The following SLC9B1 variants were observed in gnomAD, a reference collection of about 807,000 sequenced individuals.
The protein encoded by SLC9B1 is sodium/hydrogen exchanger 9B1.
SLC9B1 carries 32 observed loss-of-function variants against 51.7 expected under a neutral mutation model. The ratio of observed to expected loss-of-function variants is 0.62; its 90% CI spans 0.47 to 0.83. The LOEUF (loss-of-function observed/expected upper bound fraction) is 0.83, where lower values mean the gene tolerates loss of function less well. Among genes scored for constraint, SLC9B1 ranks in the 40% least tolerant of loss-of-function variants. The pLI is 0.00. For missense variants in SLC9B1, 406 were observed against 613.2 expected (o/e 0.66, Z 3.57); for synonymous variants, 145 against 212.7 (o/e 0.68, Z 2.77).
rs61227731 is a variant in SLC9B1, at chr4:103,016,134, C to CAAAAAAAAAAAAAAAAAAAAAA, written c.-2+3464_-2+3465insTTTTTTTTTTTTTTTTTTTTTT. ...GGACAACAAGAGCCAAACTCTGTCT[C>CAAAAAAAAAAAAAAAAAAAAAA]AAAAAAAAAAAAAAAAAAAGGAAAG... On this transcript the variant is annotated intron_variant, in intron 1 of 11. Transcript: ENST00000296422. 1.2e-4 allele frequency among the ~76,000 whole-genome samples: 6 copies of CAAAAAAAAAAAAAAAAAAAAAA among 49,640 alleles called. 1 individual carries two copies. Among genetic ancestry groups the CAAAAAAAAAAAAAAAAAAAAAA allele is most frequent in the Admixed American group, 5.8e-4 (2 of 3,436 alleles). 32.6% of individuals were successfully genotyped at this position (49,640 alleles called of 152,430 possible). A position where few individuals can be genotyped will look rare whatever the true frequency, so the allele number is the denominator to read the frequency against.
At chr4:102,965,565 T>C (rs1388802490) in intron 3 of SLC9B1, among the ~76,000 whole-genome samples, 1 of 152,110 alleles carries the variant, frequency 6.6e-6, no homozygotes, top group Non-Finnish European at 1.5e-5. Context: ...GCCCTGCCTC[T>C]TAAAGGTTCC....
intron 11 of SLC9B1, among the ~76,000 whole-genome samples, chr4:102,886,013 A>G (rs569678595): frequency 4.6e-5 from 7 of 152,170 alleles, no homozygotes; most frequent in Non-Finnish European, 1.0e-4. Context: ...TTGATCATAG[A>G]TTATTTGAGG....
chr4:102,938,388 C>T lies in SLC9B1; in HGVS notation c.654-6089G>A, dbSNP rs138794367. Among the ~76,000 whole-genome samples, 1,072 of 152,242 alleles carry T rather than the reference C, an allele frequency of 7.0e-3. 16 individuals carry two copies. The highest frequency in any genetic ancestry group is 0.034 in the Middle Eastern group (10 of 294). On this transcript the variant is annotated intron_variant, in intron 6 of 11. Transcript: ENST00000296422. ...GATTCATAAAACAAGTTCATAGAGA[C>T]CTATAGAGAAACTTAGATAACCACA...
At chr4:102,913,363 A>G (rs1323049315) in intron 7 of SLC9B1, among the ~76,000 whole-genome samples, 1 of 152,162 alleles carries the variant, frequency 6.6e-6, no homozygotes, top group African/African-American at 2.4e-5. Context: ...CCAGAAAAAG[A>G]AACTGGCAAA....
At chr4:102,911,675 A>G in intron 7 of SLC9B1, 138 bp from the exon 8 acceptor site, 1 of 580,080 alleles carries the variant, frequency 1.7e-6, no homozygotes, top group Non-Finnish European at 3.0e-6. Flanking sequence ...GTCTTTTTAT[A>G]GTGACATATA....
Position 102,949,263 on chromosome 4 carries a change from G to C in SLC9B1, c.376C>G (p.Leu126Val). Residue 126 changes from leucine to valine, a missense_variant, in exon 4 of 12, where the codon CTT (leucine) becomes GTT (valine). Around this residue, in one of 6 missense-constraint regions of SLC9B1, gnomAD observed 250 missense variants for 394.1 expected, o/e 0.63. Transcript: ENST00000296422. ...GAGCTAATTATATACTTACCAAGAA[G>C]AGGTGGAAGTGGAGGCACTAAAGGT... ...RIPLVPPLPP[L>V]LGMLLAGFTI... The C allele has an allele frequency of 6.3e-7, 1 of 1,578,110 alleles. No individual in the cohort carries two copies. The highest frequency in any genetic ancestry group is 8.6e-7 in the Non-Finnish European group (1 of 1,165,474).
intron 7 of SLC9B1, among the ~76,000 whole-genome samples, chr4:102,914,052 C>T (rs1254897837): frequency 2.6e-5 from 4 of 151,744 alleles, no homozygotes; most frequent in African/African-American, 4.8e-5. Flanking sequence ...CCTGAGCATT[C>T]GGGGATCAGA....
At chr4:102,927,292 C>A (rs1736233400) in intron 7 of SLC9B1, among the ~76,000 whole-genome samples, 1 of 152,200 alleles carries the variant, frequency 6.6e-6, no homozygotes. Context: ...GCAAAAGAAA[C>A]TGCCATCAGA....
At chr4:103,005,275 A>C (rs1357823595) in intron 1 of SLC9B1, among the ~76,000 whole-genome samples, 2 of 132,708 alleles carry the variant, frequency 1.5e-5, no homozygotes, top group Non-Finnish European at 3.3e-5. Context: ...AAAAAAAAAA[A>C]AACCAGAAAA....
At chr4:102,938,346 C>G (rs933902356) in intron 6 of SLC9B1, among the ~76,000 whole-genome samples, 7 of 152,150 alleles carry the variant, frequency 4.6e-5, no homozygotes, top group African/African-American at 1.7e-4. Context: ...TAAATGTGCT[C>G]AAAACTGGAG....
intron 1 of SLC9B1, among the ~76,000 whole-genome samples, chr4:103,001,840 T>C (rs1245635875): frequency 6.6e-6 from 1 of 152,228 alleles, no homozygotes; most frequent in Non-Finnish European, 1.5e-5. Flanking sequence ...ATTTTCACAC[T>C]GCTATAAAGA....
Position 102,885,928 on chromosome 4 carries a change from T to C in SLC9B1, c.1333-600A>G, listed in dbSNP as rs548408738. Among the ~76,000 whole-genome samples, 9 of 152,322 alleles carry C rather than the reference T, an allele frequency of 5.9e-5. No homozygotes were observed. In the South Asian group the frequency reaches 1.9e-3, roughly 32 times the overall value. ...AGGTAGTAAATGATAGCCTCAATTA[T>C]AGATGATTTTTAATGTGGGAAGGAG... On this transcript the variant is annotated intron_variant, in intron 11 of 11. Transcript: ENST00000394789.
At chr4:102,922,251 A>G (rs1050093269) in intron 7 of SLC9B1, among the ~76,000 whole-genome samples, 11 of 152,262 alleles carry the variant, frequency 7.2e-5, no homozygotes, top group African/African-American at 2.4e-4. Context: ...CTTAGGATTA[A>G]GAAGCTCCCT....
intron 3 of SLC9B1, 125 bp downstream of exon 3, chr4:102,989,675 T>G: frequency 1.8e-6 from 1 of 552,626 alleles, no homozygotes; most frequent in Admixed American, 4.4e-5. Flanking sequence ...ACATATTGCT[T>G]GTAACAAAGC....
At chr4:102,913,796 T>TAAAAAAAAAAAAAAAAAAAAAAAGAAAA (rs61244946) in intron 7 of SLC9B1, among the ~76,000 whole-genome samples, 1 of 71,448 alleles carries the variant, frequency 1.4e-5, no homozygotes, top group African/African-American at 5.3e-5. Context: ...AGATAGAAAC[T>TAAAAAAAAAAAAAAAAAAAAAAAGAAAA]AAAAAAAAAA....
intron 6 of SLC9B1, among the ~76,000 whole-genome samples, chr4:102,936,312 G>A (rs970006700): frequency 6.6e-6 from 1 of 152,212 alleles, no homozygotes; most frequent in African/African-American, 2.4e-5. Flanking sequence ...CCACACAGAT[G>A]TGAAAGAACC....
At chr4:102,978,252 A>T (rs1224377973) in intron 3 of SLC9B1, among the ~76,000 whole-genome samples, 3 of 152,228 alleles carry the variant, frequency 2.0e-5, no homozygotes, top group Admixed American at 2.0e-4. Flanking sequence ...TATTGTGAAT[A>T]GCGCCGCAAT....
chr4:102,956,658 G>A (rs1737830140), intron 3 of SLC9B1, among the ~76,000 whole-genome samples: 2 of 152,112 alleles, frequency 1.3e-5, no homozygotes, highest in Non-Finnish European at 2.9e-5. Context: ...CATCACTGCT[G>A]AAAACCACTG....
At chr4:102,928,851 C>G (rs1289677975) in intron 7 of SLC9B1, among the ~76,000 whole-genome samples, 3 of 152,086 alleles carry the variant, frequency 2.0e-5, no homozygotes, top group African/African-American at 7.2e-5. Flanking sequence ...CCCTGGAAAA[C>G]AACTGGAGTA....
Sources: allele counts gnomAD v4.1 joint callset (sites outside exome capture counted in the v4.1 genomes callset), GRCh38; gene constraint gnomAD v4.1.1; regional missense constraint gnomAD v4.1.1; transcripts MANE v1.5; gene names NCBI Gene and HGNC (gene_info 2026-07-23, HGNC 2026-07-21).